The following SNX19 variants were observed in gnomAD, a reference collection of about 807,000 sequenced individuals.
SNX19 encodes the protein sorting nexin 19.
In SNX19, 60 loss-of-function variants were observed where a neutral mutation model predicts 85.2. The ratio of observed to expected loss-of-function variants is 0.70; its 90% CI spans 0.57 to 0.87. SNX19 has a LOEUF of 0.87. Ranked by LOEUF, SNX19 falls within the 40% of genes least tolerant of loss-of-function variation. The pLI, the probability that SNX19 is intolerant of heterozygous loss-of-function variation, is 0.00. For missense variants in SNX19, 1,201 were observed against 1,217.8 expected, an observed-to-expected ratio of 0.99 and a Z score of 0.21; for synonymous variants, 520 against 470.0, an observed-to-expected ratio of 1.11 and a Z score of -1.38.
chr11:130,867,947 T>G lies in SNX19; in HGVS notation c.*10475A>C, dbSNP rs1310705779. 5 of 152,190 alleles carry G rather than the reference T, an allele frequency of 3.3e-5. No homozygotes were observed. The highest frequency in any genetic ancestry group is 4.8e-5 in the African/African-American group (2 of 41,448). The allele number at this position is 152,190 out of a possible 1,614,324, so 9.4% of individuals were successfully genotyped here. ...CCTCCCCATTTCACTGCCTTTCCTT[T>G]GGGTGGCTTTGGGGGGAGTGAAATT... On this transcript the variant is annotated 3_prime_UTR_variant, in exon 11 of 11. Coordinates refer to ENST00000265909, the MANE Select transcript of SNX19 (RefSeq NM_014758.3).
At chr11:130,913,684 G>C (rs1469050137) in intron 1 of SNX19, among the ~76,000 whole-genome samples, 1 of 152,040 alleles carries the variant, frequency 6.6e-6, no homozygotes, top group African/African-American at 2.4e-5. Context: ...TCAAAATACT[G>C]GTACATTTTG....
Position 130,908,058 on chromosome 11 carries a change from G to T in SNX19, c.2060C>A (p.Thr687Asn). The T allele has an allele frequency of 6.2e-7, 1 of 1,614,156 alleles. No homozygotes were observed. The highest frequency in any genetic ancestry group is 8.5e-7 in the Non-Finnish European group (1 of 1,180,032). Residue 687 changes from threonine to asparagine, a missense_variant, in exon 5 of 11, where the codon ACC becomes AAC. Thr to Asn is a moderately conservative substitution (Grantham distance 65). This residue lies in a region of SNX19 where 125 missense variants were observed against 171.6 expected (regional missense o/e 0.73). Transcript: ENST00000265909. ...DKMVVSAIVD[T>N]LKTAFPRSEP... ...AGAGCGAGGAAACGCTGTCTTCAAG[G>T]TGTCCACAATGGCACTCACCACCAT...
At chr11:130,903,657 T>C (rs1436715480) in intron 7 of SNX19, among the ~76,000 whole-genome samples, 1 of 151,200 alleles carries the variant, frequency 6.6e-6, no homozygotes, top group Non-Finnish European at 1.5e-5. Context: ...CTTCTAATTA[T>C]ATATATATCT....
chr11:130,880,325 C>T (rs1025504402), intron 9 of SNX19, among the ~76,000 whole-genome samples: 2 of 152,152 alleles, frequency 1.3e-5, no homozygotes, highest in Non-Finnish European at 2.9e-5. Context: ...CTTCCCCAGA[C>T]CTGCCAGCAG....
rs550050390 is a variant in SNX19, at chr11:130,877,228, C to T, written c.*1194G>A. The T allele has an allele frequency of 6.6e-6, 1 of 152,340 alleles. No individual in the cohort carries two copies. Among genetic ancestry groups the T allele is most frequent in the East Asian group, 1.9e-4 (1 of 5,174 alleles). 9.4% of individuals were successfully genotyped at this position (152,340 alleles called of 1,614,324 possible). ...CACATGCATTTAATATACAGCACTT[C>T]CCTGTGACTGTCTGCAGCCTTTTCT... On this transcript the variant is annotated 3_prime_UTR_variant, in exon 11 of 11. Transcript: ENST00000265909.
rs1282223728 is a variant in SNX19 at position 130,878,290 on chromosome 11, G to C, written c.*132C>G. The C allele has an allele frequency of 1.8e-5, 18 of 992,450 alleles. No individual in the cohort carries two copies. The highest frequency in any genetic ancestry group is 9.8e-5 in the East Asian group (4 of 40,886). The allele number at this position is 992,450 out of a possible 1,614,324, so 61.5% of individuals were successfully genotyped here. A position where few individuals can be genotyped will look rare whatever the true frequency, so the allele number is the denominator to read the frequency against. On this transcript the variant is annotated 3_prime_UTR_variant, in exon 11 of 11. Coordinates refer to ENST00000265909, the MANE Select transcript of SNX19 (RefSeq NM_014758.3). ...TGCTACAAATGGAGCAGAAGTGGGA[G>C]AGAAGTGAGCCACCGAGAACCTAGG...
At chr11:130,892,551 T>A (rs1944569461) in intron 8 of SNX19, among the ~76,000 whole-genome samples, 1 of 152,150 alleles carries the variant, frequency 6.6e-6, no homozygotes, top group Non-Finnish European at 1.5e-5. Context: ...GGATCTGGAG[T>A]AAGCTTTGCA....
chr11:130,889,989 G>A (rs1006807990), intron 8 of SNX19, among the ~76,000 whole-genome samples: 12 of 152,116 alleles, frequency 7.9e-5, no homozygotes, highest in African/African-American at 2.9e-4. Context: ...AATTATTAGA[G>A]ATACAGTACA....
Position 130,873,460 on chromosome 11 carries a change from A to G in SNX19, c.*4962T>C, listed in dbSNP as rs1592261881. Among the ~76,000 whole-genome samples, 3 of 152,282 alleles carry G rather than the reference A, an allele frequency of 2.0e-5. No individual in the cohort carries two copies. The highest frequency in any genetic ancestry group is 2.0e-4 in the Admixed American group (3 of 15,296). On this transcript the variant is annotated 3_prime_UTR_variant, in exon 11 of 11. Coordinates refer to ENST00000265909, the MANE Select transcript of SNX19 (RefSeq NM_014758.3). ...TTGTAAGGTAGAAGGGCAGTTTAGT[A>G]TAGTGGATATACTACGTAGACTCAG... is the stretch of plus-strand genomic sequence containing the variant.
Position 130,903,398 on chromosome 11 carries a change from T to C in SNX19, c.2444-14A>G, listed in dbSNP as rs545093789. Reference sequence around the variant, plus strand: ...CTGTCTCTGTTCCTGAGGGATAAAATGGCATCAGGAGTAACTCAGAAGAGA... The same window carrying C: ...CTGTCTCTGTTCCTGAGGGATAAAACGGCATCAGGAGTAACTCAGAAGAGA... On this transcript the variant is annotated splice_polypyrimidine_tract_variant and intron_variant, in intron 7 of 10. Coordinates refer to ENST00000265909, the MANE Select transcript of SNX19 (RefSeq NM_014758.3). 7.5e-5 allele frequency: 121 copies of C among 1,611,662 alleles called. 2 individuals are homozygous for C. The South Asian group carries it at 1.3e-3, about 17-fold the overall frequency.
At position 130,874,573 on chromosome 11, in the gene SNX19, C is replaced by T. The variant is rs1000380572; in HGVS notation, c.*3849G>A. On this transcript the variant is annotated 3_prime_UTR_variant, in exon 11 of 11. Coordinates refer to ENST00000265909, the MANE Select transcript of SNX19 (RefSeq NM_014758.3). The stretch of plus-strand genomic sequence containing the variant: ...ATCACCAAACTCCTGGGCTTACCTA[C>T]TCACGTACTAATGTTATGAAATAAA... Among the ~76,000 whole-genome samples, 1 of 152,194 alleles carries T rather than the reference C, an allele frequency of 6.6e-6. No individual in the cohort carries two copies. Among genetic ancestry groups the T allele is most frequent in the Non-Finnish European group, 1.5e-5 (1 of 68,036 alleles).
chr11:130,914,412 G>T lies in SNX19; in HGVS notation c.1528C>A (p.Pro510Thr). The T allele has an allele frequency of 6.2e-7, 1 of 1,613,950 alleles. No individual in the cohort carries two copies. The highest frequency in any genetic ancestry group is 8.5e-7 in the Non-Finnish European group (1 of 1,179,868). ...PVLLSSSPPG[P>T]LSSATFSFEP... ...AAGCTGAAGGTGGCTGAGCTGAGAG[G>T]ACCAGGTGGAGAGGAGGAAAGCAGA... is the stretch of plus-strand genomic sequence containing the variant. The change falls in exon 1 of 11, where the codon CCT becomes ACT. Residue 510 changes from proline to threonine, a missense_variant. Pro to Thr is a conservative substitution (Grantham distance 38). Transcript: ENST00000265909.
chr11:130,888,116 G>A (rs1373805847), intron 8 of SNX19, among the ~76,000 whole-genome samples: 5 of 150,618 alleles, frequency 3.3e-5, no homozygotes, highest in South Asian at 2.1e-4. Context: ...AAAAAAAATC[G>A]TGTGCCCCTC....
intron 8 of SNX19, among the ~76,000 whole-genome samples, chr11:130,888,115 C>G (rs531177790): frequency 6.7e-6 from 1 of 149,690 alleles, no homozygotes; most frequent in South Asian, 2.1e-4. Flanking sequence ...AAAAAAAAAT[C>G]GTGTGCCCCT....
intron 2 of SNX19, among the ~76,000 whole-genome samples, chr11:130,910,783 ATTGTG>A (rs1448159897): frequency 6.6e-6 from 1 of 152,256 alleles, no homozygotes; most frequent in Non-Finnish European, 1.5e-5. Context: ...AGTATTAGCT[ATTGTG>A]TTAAGAAAGA....
At chr11:130,892,431 A>C (rs1217492881) in intron 8 of SNX19, among the ~76,000 whole-genome samples, 1 of 152,150 alleles carries the variant, frequency 6.6e-6, no homozygotes, top group Admixed American at 6.6e-5. Context: ...AAATAAGAAA[A>C]ATAAAAAGTA....
chr11:130,903,650 C>G (rs1945419569), intron 7 of SNX19, among the ~76,000 whole-genome samples: 1 of 149,778 alleles, frequency 6.7e-6, no homozygotes, highest in Non-Finnish European at 1.5e-5. Flanking sequence ...TATATATCTT[C>G]TAATTATATA....
In SNX19 at chr11:130,915,417, C is replaced by T; in HGVS notation, c.523G>A (p.Ala175Thr). The T allele has an allele frequency of 6.2e-7, 1 of 1,613,898 alleles. No individual in the cohort carries two copies. Among genetic ancestry groups the T allele is most frequent in the Non-Finnish European group, 8.5e-7 (1 of 1,180,032 alleles). Reference sequence around the variant, plus strand: ...ACTGGACCATTCTTCCCTGCAGTGGCCTCCTTTGCCTGAATGTAGCTCTGC... The same window carrying T: ...ACTGGACCATTCTTCCCTGCAGTGGTCTCCTTTGCCTGAATGTAGCTCTGC... ...HLQSYIQAKE[A>T]TAGKNGPVEP... The change falls in exon 1 of 11, where the codon GCC (alanine) becomes ACC (threonine). Residue 175 changes from alanine (A) to threonine (T), a missense_variant. Physicochemically the swap from Ala to Thr is moderately conservative, Grantham distance 58. Coordinates refer to ENST00000265909, the MANE Select transcript of SNX19 (RefSeq NM_014758.3).
chr11:130,884,942 A>G (rs1943953632), intron 8 of SNX19, among the ~76,000 whole-genome samples: 1 of 152,146 alleles, frequency 6.6e-6, no homozygotes, highest in South Asian at 2.1e-4. Context: ...TGTTCATGTA[A>G]TACAAGATGC....
Sources: gnomAD v4.1 joint callset for allele counts (sites outside exome capture counted in the v4.1 genomes callset) on GRCh38, gnomAD v4.1.1 for gene constraint, gnomAD v4.1.1 regional missense constraint, MANE v1.5 for transcripts, NCBI Gene and HGNC (gene_info 2026-07-23, HGNC 2026-07-21) for gene names.